Variants in CDYL observed in about 807,000 individuals in gnomAD.
The protein encoded by CDYL is chromodomain Y-like protein.
A neutral mutation model predicts 47.3 loss-of-function variants in CDYL; 8 were observed. The ratio of observed to expected loss-of-function variants is 0.17; its 90% CI spans 0.10 to 0.31. The LOEUF (loss-of-function observed/expected upper bound fraction) is 0.31. Among genes scored for constraint, CDYL ranks in the 10% least tolerant of loss-of-function variants. The probability of loss-of-function intolerance (pLI) is 1.00; values close to 1 mark genes in which losing one functional copy is unlikely to be tolerated. For missense variants in CDYL, 471 were observed against 701.4 expected, an observed-to-expected ratio of 0.67 and a Z score of 3.71; for synonymous variants, 266 against 265.0, an observed-to-expected ratio of 1.00 and a Z score of -0.04.
upstream of CDYL, among the ~76,000 whole-genome samples, chr6:4,775,778 T>C (rs1476523425): frequency 2.0e-5 from 3 of 148,606 alleles, no homozygotes; most frequent in Non-Finnish European, 4.5e-5. This position sits in a 1 kb window ranked among gnomAD's most constrained non-coding sequence, Gnocchi z 7.0. Context: ...GGGGCGGGCA[T>C]GGGGTGGGGT....
chr6:4,950,421 T>C (rs1436545478), intron 5 of CDYL, among the ~76,000 whole-genome samples: 2 of 152,080 alleles, frequency 1.3e-5, no homozygotes, highest in East Asian at 1.9e-4. Flanking sequence ...AGAAGCACAG[T>C]CTATGAAAGG....
At chr6:4,742,843 C>A (rs1378029344) in intron 3 of CDYL, among the ~76,000 whole-genome samples, 1 of 152,234 alleles carries the variant, frequency 6.6e-6, no homozygotes, top group Non-Finnish European at 1.5e-5. Context: ...CATCTTGAAG[C>A]TGCATGGTTT....
At chr6:4,924,061 C>T (rs1170428470) in intron 2 of CDYL, among the ~76,000 whole-genome samples, 2 of 152,252 alleles carry the variant, frequency 1.3e-5, no homozygotes, top group East Asian at 3.9e-4. Context: ...TATTGTGTGT[C>T]TCTAGGTTCA....
chr6:4,934,032 A>G (rs1461633483), intron 2 of CDYL, among the ~76,000 whole-genome samples: 1 of 152,218 alleles, frequency 6.6e-6, no homozygotes, highest in Non-Finnish European at 1.5e-5. Flanking sequence ...CAATGTGTAT[A>G]TCTTATATAT....
intron 1 of CDYL, among the ~76,000 whole-genome samples, chr6:4,709,259 C>T (rs945004381): frequency 3.3e-5 from 5 of 151,882 alleles, no homozygotes; most frequent in Admixed American, 2.0e-4. Context: ...GCAGTGGCCC[C>T]GTCTTGGCTC....
chr6:4,892,539 T>C (rs1312461891), intron 2 of CDYL, among the ~76,000 whole-genome samples, 160 bp downstream of exon 2: 1 of 150,536 alleles, frequency 6.6e-6, no homozygotes, highest in Non-Finnish European at 1.5e-5. Flanking sequence ...CTGGAAGCCT[T>C]TGATATTTCT....
chr6:4,895,072 T>C (rs567346284), intron 2 of CDYL, among the ~76,000 whole-genome samples: 2 of 66,556 alleles, frequency 3.0e-5, no homozygotes, highest in East Asian at 6.6e-4. Flanking sequence ...GGTATATATG[T>C]ATCTATATGC....
intron 1 of CDYL, among the ~76,000 whole-genome samples, chr6:4,864,926 C>T (rs1023635762): frequency 5.9e-5 from 9 of 152,164 alleles, no homozygotes; most frequent in African/African-American, 1.9e-4. Flanking sequence ...GGCCAAAGAA[C>T]TATAGAAAAA....
At chr6:4,875,411 T>C (rs1371853907) in intron 1 of CDYL, among the ~76,000 whole-genome samples, 1 of 152,182 alleles carries the variant, frequency 6.6e-6, no homozygotes, top group Non-Finnish European at 1.5e-5. Flanking sequence ...TTGGGAAAAA[T>C]TGACAAACAA....
At chr6:4,742,950 G>C (rs1219360267) in intron 3 of CDYL, among the ~76,000 whole-genome samples, 1 of 152,190 alleles carries the variant, frequency 6.6e-6, no homozygotes, top group Non-Finnish European at 1.5e-5. Flanking sequence ...TGAGGTTTCT[G>C]TCCAAACATA....
At chr6:4,779,253 G>T (rs1758548559) in intron 1 of CDYL, among the ~76,000 whole-genome samples, 2 of 152,156 alleles carry the variant, frequency 1.3e-5, no homozygotes, top group African/African-American at 4.8e-5. Flanking sequence ...TAGTTGCCTT[G>T]TTTTGTCCAG....
At chr6:4,873,519 G>T (rs546271250) in intron 1 of CDYL, among the ~76,000 whole-genome samples, 1 of 152,184 alleles carries the variant, frequency 6.6e-6, no homozygotes, top group South Asian at 2.1e-4. Context: ...GAAAAATTGG[G>T]ATAATGATGA....
At chr6:4,940,537 G>A (rs1328899045) in intron 4 of CDYL, among the ~76,000 whole-genome samples, 2 of 152,326 alleles carry the variant, frequency 1.3e-5, no homozygotes, top group East Asian at 3.9e-4. Flanking sequence ...AGGTCACCAG[G>A]TATCTAGAGC....
At chr6:4,851,066 C>T (rs374349799) in intron 1 of CDYL, among the ~76,000 whole-genome samples, 4 of 152,270 alleles carry the variant, frequency 2.6e-5, no homozygotes, top group South Asian at 2.1e-4. Flanking sequence ...AAGATTTGGG[C>T]GCTCACTTGG....
At chr6:4,928,675 T>G (rs1272075541) in intron 2 of CDYL, 1 of 152,236 alleles carries the variant, frequency 6.6e-6, no homozygotes, top group Non-Finnish European at 1.5e-5. Context: ...CAGAGGCTAT[T>G]TGTTACTACA....
chr6:4,864,818 G>C (rs964317702), intron 1 of CDYL, among the ~76,000 whole-genome samples: 3 of 151,962 alleles, frequency 2.0e-5, no homozygotes, highest in African/African-American at 7.3e-5. Context: ...TTTGTTCTCA[G>C]TTTCAGGTAT....
At chr6:4,734,924 C>T in intron 3 of CDYL, 1 of 1,579,610 alleles carries the variant, frequency 6.3e-7, no homozygotes. Flanking sequence ...CCCCACACCA[C>T]ACTCTCCCTT....
chr6:4,764,771 A>T (rs1412773955), intron 3 of CDYL, among the ~76,000 whole-genome samples: 1 of 152,230 alleles, frequency 6.6e-6, no homozygotes, highest in Non-Finnish European at 1.5e-5. Flanking sequence ...ATTCATAGTC[A>T]TGTTGGGATA....
intron 3 of CDYL, among the ~76,000 whole-genome samples, chr6:4,754,835 T>C (rs148534118): frequency 3.5e-4 from 54 of 152,328 alleles, no homozygotes; most frequent in African/African-American, 1.3e-3. Flanking sequence ...TTTACTAATA[T>C]GTGTGGTCTT....
Sources: allele counts gnomAD v4.1 joint callset (sites outside exome capture counted in the v4.1 genomes callset), GRCh38; gene constraint gnomAD v4.1.1; non-coding constraint Gnocchi (gnomAD v3.1); transcripts MANE v1.5; gene names NCBI Gene and HGNC (gene_info 2026-07-23, HGNC 2026-07-21).